DLG2: variants seen among roughly 807,000 people sequenced by gnomAD.
DLG2 encodes the protein disks large homolog 2.
A neutral mutation model predicts 132.5 loss-of-function variants in DLG2; 45 were observed. The observed-to-expected ratio is 0.34, with a 90% CI of 0.27 to 0.44. The LOEUF is 0.44. DLG2 is among the 20% of genes least tolerant of loss of function. The probability of loss-of-function intolerance (pLI) is 1.00; values close to 1 mark genes in which losing one functional copy is unlikely to be tolerated. For missense variants in DLG2, 1,045 were observed against 1,196.9 expected (o/e 0.87, Z 1.87); for synonymous variants, 424 against 419.6 (o/e 1.01, Z -0.13).
At chr11:83,797,171 G>A (rs973089891) in intron 17 of DLG2, among the ~76,000 whole-genome samples, 7 of 152,118 alleles carry the variant, frequency 4.6e-5, no homozygotes, top group African/African-American at 1.7e-4. Flanking sequence ...AGTTGTTACT[G>A]AAGGGTAGAT....
intron 6 of DLG2, among the ~76,000 whole-genome samples, chr11:84,715,793 AT>A (rs2061154296): frequency 6.6e-6 from 1 of 152,062 alleles, no homozygotes; most frequent in Non-Finnish European, 1.5e-5. Flanking sequence ...TTCTTCATCC[AT>A]TTATTTGTCA....
chr11:84,697,769 G>A (rs72943794), intron 6 of DLG2, among the ~76,000 whole-genome samples: 37 of 151,406 alleles, frequency 2.4e-4, no homozygotes, highest in Non-Finnish European at 3.8e-4. Context: ...AAAAATGTAC[G>A]TCATTGACAG....
At chr11:84,084,241 T>C (rs977372497) in intron 10 of DLG2, among the ~76,000 whole-genome samples, 2 of 152,180 alleles carry the variant, frequency 1.3e-5, no homozygotes, top group South Asian at 4.1e-4. Flanking sequence ...ACGAAATGCA[T>C]AAACTGGGGG....
chr11:85,061,251 GT>G (rs1311519817), intron 6 of DLG2, among the ~76,000 whole-genome samples: 4 of 151,426 alleles, frequency 2.6e-5, no homozygotes, highest in Non-Finnish European at 5.9e-5. Flanking sequence ...GTCAATTTTT[GT>G]TTTTGTAGCC....
intron 11 of DLG2, among the ~76,000 whole-genome samples, chr11:84,045,164 C>A (rs1033521763): frequency 6.6e-6 from 1 of 151,702 alleles, no homozygotes; most frequent in Non-Finnish European, 1.5e-5. Flanking sequence ...TTATGTTTAT[C>A]TTTCCATTAT....
intron 10 of DLG2, among the ~76,000 whole-genome samples, chr11:84,095,526 C>T (rs1247661575): frequency 1.3e-5 from 2 of 152,166 alleles, no homozygotes; most frequent in South Asian, 2.1e-4. Flanking sequence ...GTTGGTCCAA[C>T]CTCAGTGTTC....
At chr11:84,931,939 C>T (rs561790919) in intron 6 of DLG2, among the ~76,000 whole-genome samples, 2 of 152,222 alleles carry the variant, frequency 1.3e-5, no homozygotes, top group African/African-American at 2.4e-5. Context: ...CTGTTCATGT[C>T]CTTTGCCCAC....
At chr11:83,986,165 C>T (rs1042633488) in intron 11 of DLG2, among the ~76,000 whole-genome samples, 18 of 151,460 alleles carry the variant, frequency 1.2e-4, no homozygotes, top group African/African-American at 4.1e-4. Flanking sequence ...CCCATTAACT[C>T]GTCATTTAGC....
intron 5 of DLG2, among the ~76,000 whole-genome samples, chr11:85,148,698 T>C (rs985474117): frequency 1.3e-5 from 2 of 152,202 alleles, no homozygotes; most frequent in African/African-American, 2.4e-5. Context: ...ATTCTGTAGG[T>C]TGCCTGTTTG....
intron 8 of DLG2, among the ~76,000 whole-genome samples, chr11:84,243,512 C>G (rs2097262758): frequency 6.6e-6 from 1 of 152,110 alleles, no homozygotes; most frequent in Non-Finnish European, 1.5e-5. Context: ...ACATCAGGAT[C>G]CAAACCAAAA....
intron 3 of DLG2, among the ~76,000 whole-genome samples, chr11:85,334,779 G>A (rs572270452): frequency 2.6e-5 from 4 of 152,168 alleles, no homozygotes; most frequent in Admixed American, 2.0e-4. Context: ...TTTCACTGTG[G>A]TCTGAGAGTG....
intron 3 of DLG2, among the ~76,000 whole-genome samples, chr11:85,323,990 C>A (rs1483690283): frequency 4.6e-5 from 7 of 152,190 alleles, no homozygotes; most frequent in Admixed American, 2.6e-4. Context: ...TAGTGGGCTT[C>A]CAGCAAAGAT....
At chr11:85,386,582 A>G (rs1386418798) in intron 3 of DLG2, among the ~76,000 whole-genome samples, 2 of 152,168 alleles carry the variant, frequency 1.3e-5, no homozygotes, top group Non-Finnish European at 2.9e-5. Flanking sequence ...GGTACATGAC[A>G]AATAGATTTT....
chr11:84,899,626 T>C (rs1590900184), intron 6 of DLG2, among the ~76,000 whole-genome samples: 1 of 152,192 alleles, frequency 6.6e-6, no homozygotes, highest in East Asian at 1.9e-4. Context: ...TTATATTACA[T>C]AAATGTCAAT....
chr11:83,522,063 T>C (rs564953726), intron 21 of DLG2, among the ~76,000 whole-genome samples: 20 of 152,202 alleles, frequency 1.3e-4, no homozygotes, highest in Non-Finnish European at 2.9e-4. Context: ...CACTGCCCCA[T>C]TGTGTGTGCC....
At chr11:85,501,549 C>A (rs2093804061) in intron 3 of DLG2, among the ~76,000 whole-genome samples, 1 of 152,060 alleles carries the variant, frequency 6.6e-6, no homozygotes, top group African/African-American at 2.4e-5. Context: ...CCAGAATCTA[C>A]AAAGAACTTA....
chr11:84,792,379 T>G (rs1236626404), intron 6 of DLG2, among the ~76,000 whole-genome samples: 1 of 152,216 alleles, frequency 6.6e-6, no homozygotes, highest in Non-Finnish European at 1.5e-5. Context: ...TCAGGAATAT[T>G]AGTGTACAGT....
At chr11:84,347,585 G>A (rs186097321) in intron 7 of DLG2, among the ~76,000 whole-genome samples, 1 of 152,264 alleles carries the variant, frequency 6.6e-6, no homozygotes, top group East Asian at 1.9e-4. Context: ...GCAGAATTCT[G>A]TGACATGGAG....
At chr11:84,440,659 C>G (rs556130992) in intron 7 of DLG2, among the ~76,000 whole-genome samples, 2 of 152,276 alleles carry the variant, frequency 1.3e-5, no homozygotes, top group South Asian at 4.1e-4. Context: ...AGTACCTGGA[C>G]AGACCTTTTC....
Sources: allele counts gnomAD v4.1 joint callset (sites outside exome capture counted in the v4.1 genomes callset), GRCh38; gene constraint gnomAD v4.1.1; transcripts MANE v1.5; gene names NCBI Gene and HGNC (gene_info 2026-07-23, HGNC 2026-07-21).